Variants in RPS6KC1 observed in about 807,000 individuals in gnomAD.
The protein encoded by RPS6KC1 is ribosomal protein S6 kinase C1.
Under a neutral mutation model 103.8 loss-of-function variants are expected in RPS6KC1, and 54 were observed. The observed-to-expected ratio is 0.52, with a 90% CI of 0.42 to 0.65. The LOEUF (loss-of-function observed/expected upper bound fraction) is 0.65. RPS6KC1 is among the 30% of genes least tolerant of loss of function. RPS6KC1 has a pLI of 0.00. For missense variants in RPS6KC1, 1,151 were observed against 1,253.8 expected, an observed-to-expected ratio of 0.92 and a Z score of 1.24; for synonymous variants, 439 against 438.7, an observed-to-expected ratio of 1.00 and a Z score of -0.01.
chr1:213,510,609 G>A, the RPS6KC1 span, among the ~76,000 whole-genome samples: 1 of 152,114 alleles, frequency 6.6e-6, no homozygotes, highest in Non-Finnish European at 1.5e-5. Flanking sequence ...CTCTTTAATG[G>A]GGTTTAGTGG....
chr1:213,312,627 C>T, the RPS6KC1 span, among the ~76,000 whole-genome samples: 3 of 152,122 alleles, frequency 2.0e-5, no homozygotes, highest in East Asian at 3.9e-4. Context: ...GGAAGGAAAG[C>T]GAGCCTGGCC....
chr1:213,519,196 G>C, the RPS6KC1 span, among the ~76,000 whole-genome samples: 2 of 152,110 alleles, frequency 1.3e-5, no homozygotes, highest in Non-Finnish European at 2.9e-5. Flanking sequence ...TCATCTAATT[G>C]GTGACCATGG....
At chr1:213,628,836 A>G in the RPS6KC1 span, among the ~76,000 whole-genome samples, 1 of 152,098 alleles carries the variant, frequency 6.6e-6, no homozygotes, top group Non-Finnish European at 1.5e-5. Flanking sequence ...TCATTTCGTT[A>G]TGTACCCAGC....
the RPS6KC1 span, among the ~76,000 whole-genome samples, chr1:213,578,747 A>G: frequency 6.6e-5 from 10 of 152,134 alleles, no homozygotes; most frequent in Non-Finnish European, 1.5e-4. Context: ...TATTGTATCT[A>G]GGAAGTAACT....
intron 6 of RPS6KC1, among the ~76,000 whole-genome samples, chr1:213,164,096 T>C (rs960995945): frequency 6.6e-6 from 1 of 152,244 alleles, no homozygotes; most frequent in Non-Finnish European, 1.5e-5. Context: ...AGGTTCAGGC[T>C]CTTATAGTAA....
chr1:213,365,908 C>A, the RPS6KC1 span, among the ~76,000 whole-genome samples: 1 of 152,204 alleles, frequency 6.6e-6, no homozygotes, highest in Non-Finnish European at 1.5e-5. Flanking sequence ...GATTGTGTTC[C>A]AATAAAACTT....
At chr1:213,600,425 G>A in the RPS6KC1 span, among the ~76,000 whole-genome samples, 1 of 152,140 alleles carries the variant, frequency 6.6e-6, no homozygotes, top group Admixed American at 6.5e-5. Flanking sequence ...ATGAGATATT[G>A]TCATTTTGGT....
the RPS6KC1 span, among the ~76,000 whole-genome samples, chr1:213,520,949 G>A: frequency 6.6e-6 from 1 of 152,174 alleles, no homozygotes; most frequent in Non-Finnish European, 1.5e-5. Context: ...ACTCCCCAGA[G>A]TTAACCATTA....
chr1:213,367,014 C>T, the RPS6KC1 span, among the ~76,000 whole-genome samples: 4,704 of 152,306 alleles, frequency 0.031, 259 homozygotes, highest in African/African-American at 0.11. Flanking sequence ...CCAGGCTAAA[C>T]ATCAGCAGTT....
the RPS6KC1 span, among the ~76,000 whole-genome samples, chr1:213,407,932 C>G: frequency 2.3e-3 from 354 of 152,254 alleles, 2 homozygotes; most frequent in African/African-American, 8.0e-3. Context: ...ATACGTGGCC[C>G]TTAGAGTACA....
the RPS6KC1 span, among the ~76,000 whole-genome samples, chr1:213,469,781 C>T: frequency 6.6e-6 from 1 of 152,186 alleles, no homozygotes; most frequent in Admixed American, 6.5e-5. Context: ...CTTTGGGAGG[C>T]CAAGGCAGGA....
chr1:213,478,555 T>C, the RPS6KC1 span, among the ~76,000 whole-genome samples: 1 of 152,174 alleles, frequency 6.6e-6, no homozygotes, highest in Admixed American at 6.5e-5. Context: ...ATGGCCATTT[T>C]AATGGATGTA....
At chr1:213,232,056 A>G in intron 9 of RPS6KC1, 67 bp from the exon 10 acceptor site, 1 of 1,590,346 alleles carries the variant, frequency 6.3e-7, no homozygotes, top group Non-Finnish European at 8.6e-7. Context: ...AACACAGAGC[A>G]CAGCAGGCTC....
chr1:213,418,406 G>A, the RPS6KC1 span, among the ~76,000 whole-genome samples: 1 of 152,146 alleles, frequency 6.6e-6, no homozygotes, highest in Non-Finnish European at 1.5e-5. Context: ...GGGACCAAGG[G>A]TGAGGTTGCA....
chr1:213,505,427 C>G, the RPS6KC1 span, among the ~76,000 whole-genome samples: 301 of 152,284 alleles, frequency 2.0e-3, no homozygotes, highest in African/African-American at 6.3e-3. Flanking sequence ...GAATCCCAGC[C>G]CTACCACGTG....
chr1:213,545,035 G>A, the RPS6KC1 span, among the ~76,000 whole-genome samples: 11 of 152,124 alleles, frequency 7.2e-5, no homozygotes, highest in African/African-American at 2.7e-4. Flanking sequence ...TCAAGGTCAA[G>A]GTGTCTATAG....
At chr1:213,511,605 A>C in the RPS6KC1 span, among the ~76,000 whole-genome samples, 1 of 152,310 alleles carries the variant, frequency 6.6e-6, no homozygotes, top group East Asian at 1.9e-4. Flanking sequence ...AGGCCGGTAT[A>C]ATCCAGACCT....
At chr1:213,386,907 T>C in the RPS6KC1 span, among the ~76,000 whole-genome samples, 1 of 152,190 alleles carries the variant, frequency 6.6e-6, no homozygotes, top group African/African-American at 2.4e-5. Flanking sequence ...ACCATCTCCA[T>C]AGATGTTACA....
chr1:213,266,506 C>T (rs2094914975), intron 14 of RPS6KC1, among the ~76,000 whole-genome samples: 1 of 152,072 alleles, frequency 6.6e-6, no homozygotes, highest in Admixed American at 6.5e-5. Context: ...GAGTTTCTTT[C>T]CCCCAAAAAG....
Sources: allele counts gnomAD v4.1 joint callset (sites outside exome capture counted in the v4.1 genomes callset), GRCh38; gene constraint gnomAD v4.1.1; transcripts MANE v1.5; gene names NCBI Gene and HGNC (gene_info 2026-07-23, HGNC 2026-07-21).